CENPP: variants seen among roughly 807,000 people sequenced by gnomAD.
CENPP encodes the protein centromere protein P.
Under a neutral mutation model 35.6 loss-of-function variants are expected in CENPP, and 24 were observed. The observed-to-expected ratio is 0.67, with a 90% CI of 0.49 to 0.95. The LOEUF (loss-of-function observed/expected upper bound fraction) is 0.95, where lower values mean the gene tolerates loss of function less well. CENPP is among the 40% of genes least tolerant of loss of function. The pLI is 0.00. For synonymous variants in CENPP, 120 were observed against 125.5 expected, an observed-to-expected ratio of 0.96 and a Z score of 0.29; for missense variants, 332 against 345.3, an observed-to-expected ratio of 0.96 and a Z score of 0.31.
intron 5 of CENPP, among the ~76,000 whole-genome samples, chr9:92,419,299 C>CT (rs34582930): frequency 0.067 from 7,800 of 117,090 alleles, 388 homozygotes; most frequent in Non-Finnish European, 0.078. Context: ...TGCCTTGTGT[C>CT]TTTTTTTTTT....
intron 5 of CENPP, chr9:92,517,729 CTGTT>C (rs1046263742): frequency 1.2e-6 from 2 of 1,614,172 alleles, no homozygotes; most frequent in Non-Finnish European, 1.7e-6. Flanking sequence ...TCAGGTATAA[CTGTT>C]TGGGGGCACC....
At position 92,498,761 on chromosome 9, in the gene CENPP, T is replaced by C. The variant is rs369497551; in HGVS notation, c.565-112553T>C. On this transcript the variant is annotated intron_variant, in intron 5 of 7. Transcript: ENST00000375587. Reference sequence around the variant, plus strand: ...CTTTTATTATGAGCAGTAATAATGATGTCATTTTGAAACAATTGTTTACAT... The same window carrying C: ...CTTTTATTATGAGCAGTAATAATGACGTCATTTTGAAACAATTGTTTACAT... 3.9e-5 allele frequency among the ~76,000 whole-genome samples: 6 copies of C among 152,330 alleles called. No individual in the cohort carries two copies. The South Asian group carries it at 1.2e-3, about 32-fold the overall frequency.
intron 4 of CENPP, among the ~76,000 whole-genome samples, chr9:92,375,378 T>C (rs932194184): frequency 6.6e-6 from 1 of 152,068 alleles, no homozygotes; most frequent in African/African-American, 2.4e-5. Flanking sequence ...CTGCAACCTC[T>C]GCCTCCTGGG....
At chr9:92,444,946 C>G (rs957699979) in intron 5 of CENPP, among the ~76,000 whole-genome samples, 7 of 152,122 alleles carry the variant, frequency 4.6e-5, no homozygotes, top group African/African-American at 1.7e-4. Context: ...ACAGACCAAA[C>G]AGTGGTCCAG....
intron 5 of CENPP, among the ~76,000 whole-genome samples, chr9:92,530,638 T>C (rs1011865386): frequency 2.6e-5 from 4 of 152,208 alleles, no homozygotes; most frequent in Middle Eastern, 3.2e-3. Context: ...ATACTTTCAG[T>C]GTCTCCGGGA....
chr9:92,353,923 C>G (rs1309029338), intron 4 of CENPP, among the ~76,000 whole-genome samples: 1 of 152,166 alleles, frequency 6.6e-6, no homozygotes, highest in African/African-American at 2.4e-5. Flanking sequence ...TTTGCCCCAG[C>G]TTTGCAAAGT....
intron 5 of CENPP, among the ~76,000 whole-genome samples, chr9:92,540,563 G>C (rs1025810414): frequency 1.3e-5 from 2 of 151,786 alleles, no homozygotes; most frequent in African/African-American, 4.8e-5. Flanking sequence ...ACAAGGTTAG[G>C]AGTTCAAGAC....
chr9:92,407,183 T>G (rs986908026), intron 5 of CENPP, among the ~76,000 whole-genome samples: 1 of 152,144 alleles, frequency 6.6e-6, no homozygotes, highest in Non-Finnish European at 1.5e-5. Flanking sequence ...TTCAGAGTTT[T>G]TATTGGGGCT....
At chr9:92,551,198 G>A (rs763924721) in intron 5 of CENPP, among the ~76,000 whole-genome samples, 15 of 152,138 alleles carry the variant, frequency 9.9e-5, no homozygotes, top group Non-Finnish European at 2.1e-4. Context: ...CGCTGGGATT[G>A]GAAGCCAGGA....
intron 5 of CENPP, chr9:92,515,054 G>A: frequency 3.1e-6 from 5 of 1,614,096 alleles, no homozygotes; most frequent in Non-Finnish European, 4.2e-6. Flanking sequence ...TCAGATTGAA[G>A]TGCTTCTTTT....
chr9:92,452,205 T>C (rs973738656), intron 5 of CENPP, among the ~76,000 whole-genome samples: 4,873 of 151,990 alleles, frequency 0.032, 270 homozygotes, highest in African/African-American at 0.11. Flanking sequence ...TTCCAGTTTT[T>C]GCCCATTCAG....
intron 4 of CENPP, among the ~76,000 whole-genome samples, chr9:92,365,135 G>A (rs1341064562): frequency 6.6e-6 from 1 of 151,942 alleles, no homozygotes; most frequent in Admixed American, 6.6e-5. Context: ...TTCTAGTAGG[G>A]GAAACAGGCA....
chr9:92,454,557 C>T lies in CENPP; in HGVS notation c.564+74698C>T, dbSNP rs143416982. 5.9e-5 allele frequency among the ~76,000 whole-genome samples: 9 copies of T among 152,166 alleles called. No homozygotes were observed. The East Asian group carries it at 1.7e-3, about 29-fold the overall frequency. On this transcript the variant is annotated intron_variant, in intron 5 of 7. Transcript: ENST00000375587. ...GAAAAATTTATTTTGTTTATTAAAG[C>T]AATTGAAACTTTAGAATATTTTAAT...
chr9:92,519,539 G>A (rs1017995777), intron 5 of CENPP, among the ~76,000 whole-genome samples: 1 of 152,184 alleles, frequency 6.6e-6, no homozygotes, highest in African/African-American at 2.4e-5. Context: ...CAAGAAGGGT[G>A]TCAAGACCAT....
intron 5 of CENPP, among the ~76,000 whole-genome samples, chr9:92,445,701 T>C (rs1169269798): frequency 1.3e-5 from 2 of 152,062 alleles, no homozygotes; most frequent in African/African-American, 4.8e-5. Context: ...CTGGCCAACA[T>C]GGTAAAACCC....
intron 3 of CENPP, among the ~76,000 whole-genome samples, chr9:92,344,137 T>C (rs953412338): frequency 6.6e-6 from 1 of 152,150 alleles, no homozygotes; most frequent in Admixed American, 6.5e-5. Flanking sequence ...AGATTGTTTA[T>C]AAGGTCTCTT....
In CENPP at chr9:92,386,256, G is replaced by C. The variant is rs767463128; in HGVS notation, c.564+6397G>C. The C allele has an allele frequency of 1.9e-5, 31 of 1,613,472 alleles. No homozygotes were observed. The South Asian group carries it at 3.0e-4, about 15-fold the overall frequency. On this transcript the variant is annotated intron_variant, in intron 5 of 7. Transcript: ENST00000375587. Reference sequence around the variant, plus strand: ...TAAATTAAGAGGCACGGATTCCAGGGCATTATGGTCCAAGTAGAGGAAGGT... The same window carrying C: ...TAAATTAAGAGGCACGGATTCCAGGCCATTATGGTCCAAGTAGAGGAAGGT...
At chr9:92,449,864 C>A (rs1844657872) in intron 5 of CENPP, among the ~76,000 whole-genome samples, 1 of 152,138 alleles carries the variant, frequency 6.6e-6, no homozygotes. Context: ...ATACAGCCTG[C>A]AGAACTATGA....
chr9:92,361,985 C>T (rs1429013586), intron 4 of CENPP, among the ~76,000 whole-genome samples: 1 of 151,792 alleles, frequency 6.6e-6, no homozygotes, highest in Non-Finnish European at 1.5e-5. Flanking sequence ...TGACATTGTG[C>T]CACTGCACTC....
Sources: gnomAD v4.1 joint callset for allele counts (sites outside exome capture counted in the v4.1 genomes callset) on GRCh38, gnomAD v4.1.1 for gene constraint, MANE v1.5 for transcripts, NCBI Gene and HGNC (gene_info 2026-07-23, HGNC 2026-07-21) for gene names.